LINC00305: variants seen among roughly 807,000 people sequenced by gnomAD.
LINC00305 encodes the protein long intergenic non-protein coding RNA 305.
At chr18:64,112,220 C>T (rs2144250633) in intron 1 of LINC00305, among the ~76,000 whole-genome samples, 1 of 151,072 alleles carries the variant, frequency 6.6e-6, no homozygotes. Context: ...CAAAGCTATT[C>T]AGAAATATGG....
intron 1 of LINC00305, among the ~76,000 whole-genome samples, chr18:64,141,068 A>C (rs977009189): frequency 6.6e-5 from 10 of 151,418 alleles, no homozygotes; most frequent in Non-Finnish European, 1.5e-4. Flanking sequence ...AAAAAAAAAA[A>C]AAAAAAAAAT....
At chr18:64,146,955 A>T (rs553562570) in intron 1 of LINC00305, among the ~76,000 whole-genome samples, 3 of 152,164 alleles carry the variant, frequency 2.0e-5, no homozygotes, top group Admixed American at 6.6e-5. Flanking sequence ...GTCAATTTGT[A>T]TGTTTTTCAG....
intron 3 of LINC00305, among the ~76,000 whole-genome samples, chr18:64,090,298 A>G (rs892156691): frequency 6.6e-6 from 1 of 152,204 alleles, no homozygotes; most frequent in Non-Finnish European, 1.5e-5. Context: ...TAAGAATCAA[A>G]TAATAGAAAG....
At chr18:64,118,115 A>C (rs2051345806) in intron 1 of LINC00305, among the ~76,000 whole-genome samples, 1 of 152,158 alleles carries the variant, frequency 6.6e-6, no homozygotes, top group South Asian at 2.1e-4. Flanking sequence ...GAGGCATTTC[A>C]TTCTAGTCAG....
chr18:64,109,202 C>G (rs1038356548), intron 1 of LINC00305, among the ~76,000 whole-genome samples: 1 of 152,180 alleles, frequency 6.6e-6, no homozygotes, highest in Non-Finnish European at 1.5e-5. Context: ...GGTCTTGAAA[C>G]AGGGACACCA....
chr18:64,143,780 A>G (rs993805866), intron 1 of LINC00305, among the ~76,000 whole-genome samples: 1 of 98,978 alleles, frequency 1.0e-5, no homozygotes, highest in Non-Finnish European at 2.1e-5. Flanking sequence ...GCGTACATGT[A>G]TGTACACATA....
At chr18:64,139,948 T>A (rs1599231428) in intron 1 of LINC00305, among the ~76,000 whole-genome samples, 3 of 152,094 alleles carry the variant, frequency 2.0e-5, no homozygotes, top group East Asian at 3.9e-4. Flanking sequence ...AAAGCCTCCA[T>A]CCTCCCTCTT....
chr18:64,120,437 C>T (rs915793599), intron 1 of LINC00305, among the ~76,000 whole-genome samples: 1 of 152,142 alleles, frequency 6.6e-6, no homozygotes, highest in Admixed American at 6.5e-5. Context: ...GTGGATTAAA[C>T]CTGCCCTTAA....
At chr18:64,089,341 G>A (rs983918739) in intron 3 of LINC00305, among the ~76,000 whole-genome samples, 1 of 152,170 alleles carries the variant, frequency 6.6e-6, no homozygotes, top group South Asian at 2.1e-4. Flanking sequence ...TGCCATGATC[G>A]TAAGTTTCCT....
At chr18:64,101,036 G>T (rs1330591071) in intron 1 of LINC00305, among the ~76,000 whole-genome samples, 1 of 152,168 alleles carries the variant, frequency 6.6e-6, no homozygotes, top group Non-Finnish European at 1.5e-5. Context: ...GGAGCACAAA[G>T]CTGGACATCT....
At chr18:64,115,609 T>G (rs1339536399) in intron 1 of LINC00305, among the ~76,000 whole-genome samples, 1 of 152,190 alleles carries the variant, frequency 6.6e-6, no homozygotes, top group Non-Finnish European at 1.5e-5. Flanking sequence ...GCCCAGGTTC[T>G]CTCTTTAAAA....
intron 1 of LINC00305, among the ~76,000 whole-genome samples, chr18:64,131,363 G>A (rs765045628): frequency 1.3e-5 from 2 of 152,074 alleles, no homozygotes; most frequent in Non-Finnish European, 2.9e-5. Context: ...AAGTATTCAC[G>A]CTTGGCTTAT....
intron 3 of LINC00305, among the ~76,000 whole-genome samples, chr18:64,091,087 C>A (rs2051223102): frequency 6.6e-6 from 1 of 152,186 alleles, no homozygotes; most frequent in African/African-American, 2.4e-5. Flanking sequence ...AAGTGGGTGA[C>A]TAATACAGGG....
chr18:64,108,953 T>A (rs570057636), intron 1 of LINC00305, among the ~76,000 whole-genome samples: 28 of 152,356 alleles, frequency 1.8e-4, no homozygotes, highest in African/African-American at 6.5e-4. Context: ...AAACTAACTT[T>A]TATTTCTTTT....
At chr18:64,086,636 T>A (rs1345182929) in intron 3 of LINC00305, among the ~76,000 whole-genome samples, 1 of 152,228 alleles carries the variant, frequency 6.6e-6, no homozygotes, top group Admixed American at 6.5e-5. Context: ...AACTATACAC[T>A]TTAGCAAGCT....
chr18:64,148,306 T>C (rs2051507942), intron 1 of LINC00305, among the ~76,000 whole-genome samples: 1 of 152,108 alleles, frequency 6.6e-6, no homozygotes, highest in Admixed American at 6.5e-5. Flanking sequence ...TCCTCTGGGG[T>C]GCAAACTTCC....
intron 1 of LINC00305, among the ~76,000 whole-genome samples, chr18:64,143,303 A>G (rs1051522842): frequency 1.3e-5 from 2 of 152,158 alleles, no homozygotes; most frequent in African/African-American, 4.8e-5. Flanking sequence ...CAAAGCACCA[A>G]GATGACACTA....
At chr18:64,098,473 T>A in intron 2 of LINC00305, 1 of 414,804 alleles carries the variant, frequency 2.4e-6, no homozygotes, top group East Asian at 7.1e-5. Flanking sequence ...TACTCATAAG[T>A]AACATTCTAA....
At chr18:64,096,972 TA>T (rs1164472052) in intron 3 of LINC00305, among the ~76,000 whole-genome samples, 1 of 151,850 alleles carries the variant, frequency 6.6e-6, no homozygotes, top group African/African-American at 2.4e-5. Context: ...CTTTAATTTT[TA>T]AATAGCATTT....
Sources: allele counts gnomAD v4.1 joint callset (sites outside exome capture counted in the v4.1 genomes callset), GRCh38; gene constraint gnomAD v4.1.1; transcripts MANE v1.5; gene names NCBI Gene and HGNC (gene_info 2026-07-23, HGNC 2026-07-21).